Variants in OR52K2 observed in about 807,000 individuals in gnomAD.
The protein encoded by OR52K2 is olfactory receptor family 52 subfamily K member 2, also known as olfactory receptor 52K2.
In OR52K2, 10 loss-of-function variants were observed where a neutral mutation model predicts 11.4. That is an observed-to-expected ratio of 0.88 (90% confidence interval 0.54 to 1.49). The LOEUF (loss-of-function observed/expected upper bound fraction) is 1.49. Ranked by LOEUF, OR52K2 falls within the 40% of genes most tolerant of loss-of-function variation. OR52K2 has a pLI of 0.00. For synonymous variants in OR52K2, 199 were observed against 151.9 expected, an observed-to-expected ratio of 1.31 and a Z score of -2.28; for missense variants, 465 against 393.3, an observed-to-expected ratio of 1.18 and a Z score of -1.54.
chr11:4,450,072 T>A lies in OR52K2; in HGVS notation c.733T>A (p.Ser245Thr). The change falls in exon 1 of 1, where the codon TCT becomes ACT. Residue 245 changes from serine to threonine, a missense_variant. Transcript: ENST00000325719. The part of the protein sequence containing the change: ...ARYKAFGTCV[S>T]HIGAILAFYT... ...CTACAAGGCATTTGGGACATGTGTCTCTCATATAGGTGCCATCTTAGCCTT... is the reference window on the plus strand; with the variant it reads ...CTACAAGGCATTTGGGACATGTGTCACTCATATAGGTGCCATCTTAGCCTT... The A allele has an allele frequency of 1.9e-6, 3 of 1,614,150 alleles. No homozygotes were observed. The South Asian group carries it at 3.3e-5, about 18-fold the overall frequency.
rs954394062 is a variant in OR52K2 at position 4,449,584 on chromosome 11, A to G, written c.245A>G (p.Lys82Arg). Reference sequence around the variant, plus strand: ...GTCCTTTCCTCCTCAGCACTGCCCAAAATGCTTGCCATATTCTGGTTCAGG... The same window carrying G: ...GTCCTTTCCTCCTCAGCACTGCCCAGAATGCTTGCCATATTCTGGTTCAGG... Reference protein sequence around the residue: ...DLVLSSSALPKMLAIFWFRDR... With the variant: ...DLVLSSSALPRMLAIFWFRDR... The change falls in exon 1 of 1, where the codon AAA becomes AGA. Residue 82 changes from lysine to arginine, a missense_variant. Lys to Arg is a conservative substitution (Grantham distance 26). Coordinates refer to ENST00000325719, the MANE Select transcript of OR52K2 (RefSeq NM_001005172.2). 5 of 1,614,010 alleles carry G rather than the reference A, an allele frequency of 3.1e-6. No homozygotes were observed. Among genetic ancestry groups the G allele is most frequent in the Admixed American group, 1.7e-5 (1 of 59,994 alleles).
In OR52K2 at chr11:4,449,872, A is replaced by C; in HGVS notation, c.533A>C (p.His178Pro). 2.5e-6 allele frequency: 4 copies of C among 1,614,148 alleles called. No homozygotes were observed. Among genetic ancestry groups the C allele is most frequent in the Non-Finnish European group, 3.4e-6 (4 of 1,180,022 alleles). ...FHYCRGPVIA[H>P]CYCEHMAVVR... is the part of the protein sequence containing the mutation. ...TACTGCCGAGGCCCAGTGATCGCTC[A>C]CTGCTACTGTGAACACATGGCTGTG... The change falls in exon 1 of 1, where the codon CAC becomes CCC. Residue 178 changes from histidine to proline, a missense_variant. Physicochemically the swap from His to Pro is moderately conservative, Grantham distance 77 (BLOSUM62 -2). Transcript: ENST00000325719.
At position 4,449,854 on chromosome 11, in the gene OR52K2, G is replaced by T; in HGVS notation, c.515G>T (p.Arg172Leu). ...PFLLRCFHYC[R>L]GPVIAHCYCE... ...CTGCTGAGATGTTTCCACTACTGCC[G>T]AGGCCCAGTGATCGCTCACTGCTAC... Residue 172 changes from arginine (R) to leucine (L), a missense_variant, in exon 1 of 1, where the codon CGA becomes CTA. Transcript: ENST00000325719. 1 of 1,614,122 alleles carries T rather than the reference G, an allele frequency of 6.2e-7. No individual in the cohort carries two copies. Among genetic ancestry groups the T allele is most frequent in the Non-Finnish European group, 8.5e-7 (1 of 1,180,032 alleles).
rs61747517 is a variant in OR52K2, at chr11:4,449,720, T to A, written c.381T>A (p.Ala127=). The change falls in exon 1 of 1, where the codon GCT becomes GCA. Residue 127 remains alanine (A), a synonymous_variant. Transcript: ENST00000325719. ...CCATGGCCTTTGACCGCTATGTGGC[T>A]ATCTGCAAGCCACTGCACTACACCA... ...LLAMAFDRYV[A]ICKPLHYTKV... 6.2e-7 allele frequency: 1 copy of A among 1,614,158 alleles called. No homozygotes were observed. Among genetic ancestry groups the A allele is most frequent in the Non-Finnish European group, 8.5e-7 (1 of 1,179,992 alleles).
In OR52K2 at chr11:4,449,322, A is replaced by C; in HGVS notation, c.-18A>C. On this transcript the variant is annotated 5_prime_UTR_variant, in exon 1 of 1. Coordinates refer to ENST00000325719, the MANE Select transcript of OR52K2 (RefSeq NM_001005172.2). ...GCCCTGTGGAAGCAGATAAGGAGGA[A>C]GAGAATTCCCAGGAGCCATGTCAGC... 2.0e-6 allele frequency: 3 copies of C among 1,467,574 alleles called. No homozygotes were observed. The highest frequency in any genetic ancestry group is 2.7e-6 in the Non-Finnish European group (3 of 1,092,830). The allele number at this position is 1,467,574 out of a possible 1,614,324, so 90.9% of individuals were successfully genotyped here.
chr11:4,449,598 T>C lies in OR52K2; in HGVS notation c.259T>C (p.Phe87Leu), dbSNP rs1394982329. The C allele has an allele frequency of 1.5e-5, 24 of 1,614,232 alleles. No individual in the cohort carries two copies. The highest frequency in any genetic ancestry group is 1.8e-5 in the Non-Finnish European group (21 of 1,180,024). The change falls in exon 1 of 1, where the codon TTC (phenylalanine) becomes CTC (leucine). Residue 87 changes from phenylalanine (F) to leucine (L), a missense_variant. Transcript: ENST00000325719. Reference protein sequence around the residue: ...SSALPKMLAIFWFRDREINFF... With the variant: ...SSALPKMLAILWFRDREINFF... ...AGCACTGCCCAAAATGCTTGCCATATTCTGGTTCAGGGATCGGGAGATAAA... is the reference window on the plus strand; with the variant it reads ...AGCACTGCCCAAAATGCTTGCCATACTCTGGTTCAGGGATCGGGAGATAAA...
chr11:4,449,594 C>T lies in OR52K2; in HGVS notation c.255C>T (p.Ala85=). 3 of 1,614,202 alleles carry T rather than the reference C, an allele frequency of 1.9e-6. No homozygotes were observed. The highest frequency in any genetic ancestry group is 2.5e-6 in the Non-Finnish European group (3 of 1,180,028). The change falls in exon 1 of 1, where the codon GCC becomes GCT. Residue 85 remains alanine, a synonymous_variant. Transcript: ENST00000325719. Reference sequence around the variant, plus strand: ...CCTCAGCACTGCCCAAAATGCTTGCCATATTCTGGTTCAGGGATCGGGAGA... The same window carrying T: ...CCTCAGCACTGCCCAAAATGCTTGCTATATTCTGGTTCAGGGATCGGGAGA... ...LSSSALPKML[A]IFWFRDREIN...
Position 4,450,107 on chromosome 11 carries a change from T to G in OR52K2, c.768T>G (p.Thr256=). The change falls in exon 1 of 1, where the codon ACT becomes ACG. Residue 256 remains threonine (T), a synonymous_variant. Transcript: ENST00000325719. ...GTGCCATCTTAGCCTTCTACACAAC[T>G]GTGGTCATCTCTTCAGTCATGCACC... ...HIGAILAFYT[T]VVISSVMHRV... The G allele has an allele frequency of 6.2e-7, 1 of 1,614,148 alleles. No homozygotes were observed. Among genetic ancestry groups the G allele is most frequent in the Non-Finnish European group, 8.5e-7 (1 of 1,180,020 alleles).
chr11:4,450,068 T>C lies in OR52K2; in HGVS notation c.729T>C (p.Cys243=). Residue 243 remains cysteine (C), a synonymous_variant, in exon 1 of 1, where the codon TGT becomes TGC. Transcript: ENST00000325719. Reference sequence around the variant, plus strand: ...CCCGCTACAAGGCATTTGGGACATGTGTCTCTCATATAGGTGCCATCTTAG... The same window carrying C: ...CCCGCTACAAGGCATTTGGGACATGCGTCTCTCATATAGGTGCCATCTTAG... ...QEARYKAFGT[C]VSHIGAILAF... 1 of 1,614,160 alleles carries C rather than the reference T, an allele frequency of 6.2e-7. No homozygotes were observed. Among genetic ancestry groups the C allele is most frequent in the Non-Finnish European group, 8.5e-7 (1 of 1,180,030 alleles).
rs986348112 is a variant in OR52K2 at position 4,450,199 on chromosome 11, C to G, written c.860C>G (p.Pro287Arg). Residue 287 changes from proline (P) to arginine (R), a missense_variant, in exon 1 of 1, where the codon CCC becomes CGC. Pro to Arg is a moderately radical substitution (Grantham distance 103). Transcript: ENST00000325719. ...LLANFYLLFP[P>R]MVNPIIYGVK... is the part of the protein sequence containing the mutation. ...GCCAATTTCTATCTGCTCTTCCCAC[C>G]CATGGTCAATCCCATAATCTATGGT... 1 of 1,614,024 alleles carries G rather than the reference C, an allele frequency of 6.2e-7. No individual in the cohort carries two copies. The highest frequency in any genetic ancestry group is 8.5e-7 in the Non-Finnish European group (1 of 1,180,000).
Position 4,449,939 on chromosome 11 carries a change from T to C in OR52K2, c.600T>C (p.Tyr200=), listed in dbSNP as rs1357606339. Residue 200 remains tyrosine (Y), a synonymous_variant, in exon 1 of 1, where the codon TAT becomes TAC. Transcript: ENST00000325719. ...GGGACACTAGCTTCAACAATATCTATGGCATCGCTGTGGCCATGTTTATTG... is the reference window on the plus strand; with the variant it reads ...GGGACACTAGCTTCAACAATATCTACGGCATCGCTGTGGCCATGTTTATTG... ...ACGDTSFNNI[Y]GIAVAMFIVV... 9 of 1,614,204 alleles carry C rather than the reference T, an allele frequency of 5.6e-6. No individual in the cohort carries two copies. The highest frequency in any genetic ancestry group is 7.6e-6 in the Non-Finnish European group (9 of 1,180,036).
rs331537 is a variant in OR52K2, at chr11:4,450,046, G to C, written c.707G>C (p.Arg236Pro). 6.8e-6 allele frequency: 11 copies of C among 1,613,886 alleles called. No homozygotes were observed. Among genetic ancestry groups the C allele is most frequent in the Non-Finnish European group, 9.3e-6 (11 of 1,179,984 alleles). Residue 236 changes from arginine to proline, a missense_variant, in exon 1 of 1, where the codon CGC becomes CCC. Coordinates refer to ENST00000325719, the MANE Select transcript of OR52K2 (RefSeq NM_001005172.2). Reference sequence around the variant, plus strand: ...CTACTGCTTGCCTCTCAGGAGGCCCGCTACAAGGCATTTGGGACATGTGTC... The same window carrying C: ...CTACTGCTTGCCTCTCAGGAGGCCCCCTACAAGGCATTTGGGACATGTGTC... Reference protein sequence around the residue: ...AVLLLASQEARYKAFGTCVSH... With the variant: ...AVLLLASQEAPYKAFGTCVSH...
At position 4,449,840 on chromosome 11, in the gene OR52K2, T is replaced by C. The variant is rs200025367; in HGVS notation, c.501T>C (p.Cys167=). 2.2e-5 allele frequency: 35 copies of C among 1,614,020 alleles called. No individual in the cohort carries two copies. In the Middle Eastern group the frequency reaches 6.6e-4, roughly 30 times the overall value. ...LMTPLPFLLR[C]FHYCRGPVIA... is the part of the protein sequence containing the mutation. ...CTCCACTCCCCTTCCTGCTGAGATG[T>C]TTCCACTACTGCCGAGGCCCAGTGA... Residue 167 remains cysteine (C), a synonymous_variant, in exon 1 of 1, where the codon TGT becomes TGC. Coordinates refer to ENST00000325719, the MANE Select transcript of OR52K2 (RefSeq NM_001005172.2).
rs201981949 is a variant in OR52K2, at chr11:4,450,215, A to G, written c.876A>G (p.Ile292Met). The G allele has an allele frequency of 2.8e-5, 45 of 1,613,924 alleles. No homozygotes were observed. Among genetic ancestry groups the G allele is most frequent in the Non-Finnish European group, 3.1e-5 (37 of 1,180,006 alleles). ...YLLFPPMVNP[I>M]IYGVKTKQIR... ...TCTTCCCACCCATGGTCAATCCCATAATCTATGGTGTCAAGACCAAGCAAA... is the reference window on the plus strand; with the variant it reads ...TCTTCCCACCCATGGTCAATCCCATGATCTATGGTGTCAAGACCAAGCAAA... The change falls in exon 1 of 1, where the codon ATA becomes ATG. Residue 292 changes from isoleucine to methionine, a missense_variant. By Grantham distance (10) the Ile-to-Met change is conservative. Transcript: ENST00000325719.
chr11:4,449,392 G>T lies in OR52K2; in HGVS notation c.53G>T (p.Gly18Val), dbSNP rs145471209. The change falls in exon 1 of 1, where the codon GGG becomes GTG. Residue 18 changes from glycine to valine, a missense_variant. Coordinates refer to ENST00000325719, the MANE Select transcript of OR52K2 (RefSeq NM_001005172.2). ...LTHPTAFLLV[G>V]IPGLEHLHIW... ...CATCCAACTGCCTTCTTGTTGGTGGGGATTCCAGGCCTGGAACACCTGCAC... is the reference window on the plus strand; with the variant it reads ...CATCCAACTGCCTTCTTGTTGGTGGTGATTCCAGGCCTGGAACACCTGCAC... 5 of 1,535,306 alleles carry T rather than the reference G, an allele frequency of 3.3e-6. No homozygotes were observed. Among genetic ancestry groups the T allele is most frequent in the Non-Finnish European group, 4.4e-6 (5 of 1,143,746 alleles).
Position 4,449,583 on chromosome 11 carries a change from A to C in OR52K2, c.244A>C (p.Lys82Gln). The C allele has an allele frequency of 6.2e-7, 1 of 1,614,184 alleles. No individual in the cohort carries two copies. Among genetic ancestry groups the C allele is most frequent in the African/African-American group, 1.3e-5 (1 of 75,046 alleles). ...DLVLSSSALP[K>Q]MLAIFWFRDR... Reference sequence around the variant, plus strand: ...GGTCCTTTCCTCCTCAGCACTGCCCAAAATGCTTGCCATATTCTGGTTCAG... The same window carrying C: ...GGTCCTTTCCTCCTCAGCACTGCCCCAAATGCTTGCCATATTCTGGTTCAG... Residue 82 changes from lysine to glutamine, a missense_variant, in exon 1 of 1, where the codon AAA becomes CAA. Transcript: ENST00000325719.
chr11:4,449,749 T>C lies in OR52K2; in HGVS notation c.410T>C (p.Val137Ala), dbSNP rs185070275. 162 of 1,614,058 alleles carry C rather than the reference T, an allele frequency of 1.0e-4. 1 individual carries two copies. In the East Asian group the frequency reaches 2.7e-3, roughly 27 times the overall value. The change falls in exon 1 of 1, where the codon GTC becomes GCC. Residue 137 changes from valine (V) to alanine (A), a missense_variant. By Grantham distance (64) the Val-to-Ala change is moderately conservative. Transcript: ENST00000325719. ...TGCAAGCCACTGCACTACACCAAGG[T>C]CCTGACTGGGTCCCTCATCACCAAG... The part of the protein sequence containing the change: ...AICKPLHYTK[V>A]LTGSLITKIG...
Position 4,449,467 on chromosome 11 carries a change from G to C in OR52K2, c.128G>C (p.Gly43Ala). The C allele has an allele frequency of 1.2e-6, 2 of 1,606,716 alleles. No homozygotes were observed. The highest frequency in any genetic ancestry group is 1.1e-5 in the South Asian group (1 of 89,726). ...TTAGCATATACACTGGCCCTGCTTG[G>C]AAACTGCACTCTCCTTCTCATCATC... ...FCLAYTLALL[G>A]NCTLLLIIQA... Residue 43 changes from glycine to alanine, a missense_variant, in exon 1 of 1, where the codon GGA becomes GCA. Transcript: ENST00000325719.
At position 4,449,690 on chromosome 11, in the gene OR52K2, G is replaced by C. The variant is rs1273440471; in HGVS notation, c.351G>C (p.Leu117=). ...TCTCCATCATGGAGTCAGCAGTGCT[G>C]CTGGCCATGGCCTTTGACCGCTATG... The part of the protein sequence containing the change: ...HSFSIMESAV[L]LAMAFDRYVA... The change falls in exon 1 of 1, where the codon CTG becomes CTC. Residue 117 remains leucine, a synonymous_variant. Coordinates refer to ENST00000325719, the MANE Select transcript of OR52K2 (RefSeq NM_001005172.2). 1.9e-6 allele frequency: 3 copies of C among 1,614,036 alleles called. No individual in the cohort carries two copies. In the South Asian group the frequency reaches 3.3e-5, roughly 18 times the overall value.
Sources: gnomAD v4.1 joint callset for allele counts on GRCh38, gnomAD v4.1.1 for gene constraint, MANE v1.5 for transcripts, NCBI Gene and HGNC (gene_info 2026-07-23, HGNC 2026-07-21) for gene names.